Variants in SPECC1L observed in about 807,000 individuals in gnomAD.
The protein encoded by SPECC1L is sperm antigen with calponin homology and coiled-coil domains 1 like, also known as cytospin-A.
Under a neutral mutation model 116.8 loss-of-function variants are expected in SPECC1L, and 40 were observed. The ratio of observed to expected loss-of-function variants is 0.34; its 90% CI spans 0.27 to 0.45. The LOEUF (loss-of-function observed/expected upper bound fraction) is 0.45, where lower values mean the gene tolerates loss of function less well. SPECC1L is among the 20% of genes least tolerant of loss of function. The pLI is 1.00. For missense variants in SPECC1L, 1,110 were observed against 1,373.6 expected, an observed-to-expected ratio of 0.81 and a Z score of 3.03; for synonymous variants, 504 against 500.6, an observed-to-expected ratio of 1.01 and a Z score of -0.09.
At chr22:24,356,887 T>C (rs2041543620) in intron 11 of SPECC1L, among the ~76,000 whole-genome samples, 1 of 152,046 alleles carries the variant, frequency 6.6e-6, no homozygotes. Context: ...TCCACATAAC[T>C]GTTGTGGGGG....
chr22:24,399,800 C>T (rs1354911577), intron 14 of SPECC1L, among the ~76,000 whole-genome samples: 2 of 152,172 alleles, frequency 1.3e-5, no homozygotes, highest in African/African-American at 4.8e-5. Context: ...TATCAGGTTC[C>T]TTTTGCCATA....
At chr22:24,295,469 T>G (rs1191296657) in intron 2 of SPECC1L, among the ~76,000 whole-genome samples, 1 of 150,616 alleles carries the variant, frequency 6.6e-6, no homozygotes, top group Non-Finnish European at 1.5e-5. Context: ...GTGAGCATAG[T>G]TTTTCAACTC....
chr22:24,356,446 TC>T (rs1382562043), intron 11 of SPECC1L, among the ~76,000 whole-genome samples: 2 of 152,140 alleles, frequency 1.3e-5, no homozygotes, highest in African/African-American at 2.4e-5. Flanking sequence ...TCTGATAATG[TC>T]CCTTGTTCTG....
chr22:24,362,548 G>T (rs2041666877), intron 11 of SPECC1L, among the ~76,000 whole-genome samples: 1 of 152,188 alleles, frequency 6.6e-6, no homozygotes, highest in South Asian at 2.1e-4. Context: ...GCCAGGTAAT[G>T]AAGGTTTTCC....
chr22:24,408,300 T>C (rs1035873956), intron 14 of SPECC1L, among the ~76,000 whole-genome samples: 1 of 152,236 alleles, frequency 6.6e-6, no homozygotes. Context: ...AGGCACCTTC[T>C]TCATTAGGTC....
chr22:24,331,269 AAACT>A (rs1158720384), intron 8 of SPECC1L, among the ~76,000 whole-genome samples: 1 of 152,204 alleles, frequency 6.6e-6, no homozygotes, highest in East Asian at 1.9e-4. Flanking sequence ...GAAATTTAGA[AAACT>A]AACAGTATAT....
chr22:24,397,369 T>A (rs1021504546), intron 14 of SPECC1L, among the ~76,000 whole-genome samples: 2 of 152,252 alleles, frequency 1.3e-5, no homozygotes, highest in African/African-American at 4.8e-5. Flanking sequence ...TCCAGGCTGC[T>A]GTACTCAGAT....
chr22:24,414,647 A>G lies in SPECC1L; in HGVS notation c.*24A>G, dbSNP rs201232651. 5.3e-5 allele frequency: 85 copies of G among 1,605,694 alleles called. No individual in the cohort carries two copies. Among genetic ancestry groups the G allele is most frequent in the Non-Finnish European group, 6.9e-5 (81 of 1,173,188 alleles). ...GAGCATGCCGGGAGGAGCCGCCCCAATAGCGGGGGTACCCCTCCACAGCGA... is the reference window on the plus strand; with the variant it reads ...GAGCATGCCGGGAGGAGCCGCCCCAGTAGCGGGGGTACCCCTCCACAGCGA... On this transcript the variant is annotated 3_prime_UTR_variant, in exon 17 of 17. Transcript: ENST00000314328.
intron 2 of SPECC1L, among the ~76,000 whole-genome samples, chr22:24,299,695 A>G (rs999784552): frequency 3.3e-5 from 5 of 151,390 alleles, no homozygotes; most frequent in African/African-American, 4.9e-5. Context: ...TTTAGGAAAA[A>G]CTTATGGTTT....
At position 24,322,245 on chromosome 22, in the gene SPECC1L, C is replaced by T. The variant is rs535069429; in HGVS notation, c.1265C>T (p.Ala422Val). 6.2e-7 allele frequency: 1 copy of T among 1,614,194 alleles called. No homozygotes were observed. Among genetic ancestry groups the T allele is most frequent in the Admixed American group, 1.7e-5 (1 of 60,030 alleles). The change falls in exon 5 of 17, where the codon GCT becomes GTT. Residue 422 changes from alanine (A) to valine (V), a missense_variant. Physicochemically the swap from Ala to Val is moderately conservative, Grantham distance 64 (BLOSUM62 0). Transcript: ENST00000314328. Reference sequence around the variant, plus strand: ...CTCCAGGCAACCCTGCAAGAGCTAGCTGATTTACAGCAGATTACCCAGGAA... The same window carrying T: ...CTCCAGGCAACCCTGCAAGAGCTAGTTGATTTACAGCAGATTACCCAGGAA... ...EELQATLQEL[A>V]DLQQITQELN... is the part of the protein sequence containing the mutation.
At chr22:24,302,045 CAA>C (rs759458885) in intron 2 of SPECC1L, 148 bp from the exon 3 acceptor site, 796 of 459,462 alleles carry the variant, frequency 1.7e-3, no homozygotes, top group East Asian at 2.6e-3. Flanking sequence ...GACTCCGTCT[CAA>C]AAAAAAAAAA....
At chr22:24,354,302 T>C (rs1366909897) in intron 11 of SPECC1L, among the ~76,000 whole-genome samples, 1 of 152,222 alleles carries the variant, frequency 6.6e-6, no homozygotes, top group East Asian at 1.9e-4. Context: ...TTTCAGCATT[T>C]ATTTATGCAT....
intron 12 of SPECC1L, 60 bp from the exon 13 acceptor site, chr22:24,365,416 T>C: frequency 1.3e-6 from 2 of 1,535,014 alleles, no homozygotes; most frequent in South Asian, 2.3e-5. Flanking sequence ...AAAAAAAAAA[T>C]CTCAAGAACT....
intron 10 of SPECC1L, among the ~76,000 whole-genome samples, chr22:24,341,215 A>T (rs2041170750): frequency 6.6e-6 from 1 of 152,180 alleles, no homozygotes; most frequent in Non-Finnish European, 1.5e-5. Context: ...GGAGTATAGA[A>T]ATCTGCGTAG....
intron 14 of SPECC1L, among the ~76,000 whole-genome samples, chr22:24,398,530 G>C (rs1189576567): frequency 1.3e-5 from 2 of 152,156 alleles, no homozygotes; most frequent in Non-Finnish European, 2.9e-5. Flanking sequence ...ACTTATAATG[G>C]AGGAGGAGTC....
At chr22:24,276,572 A>G (rs1313768003) in intron 1 of SPECC1L, 128 bp from the exon 2 acceptor site, 2 of 297,542 alleles carry the variant, frequency 6.7e-6, no homozygotes, top group Non-Finnish European at 1.3e-5. Context: ...GTTTGAGTTC[A>G]GCTTGGGCAG....
At chr22:24,305,330 C>T (rs1467995710) in intron 3 of SPECC1L, among the ~76,000 whole-genome samples, 2 of 152,192 alleles carry the variant, frequency 1.3e-5, no homozygotes, top group Non-Finnish European at 2.9e-5. Context: ...TCTGCTTAAT[C>T]ATTGCCCTTC....
intron 6 of SPECC1L, among the ~76,000 whole-genome samples, chr22:24,328,537 T>C (rs2040874189): frequency 6.6e-6 from 1 of 152,192 alleles, no homozygotes; most frequent in Admixed American, 6.5e-5. Context: ...ACAGTCAATA[T>C]TGTTTTGATT....
intron 14 of SPECC1L, among the ~76,000 whole-genome samples, chr22:24,403,586 G>A (rs956712349): frequency 6.6e-6 from 1 of 152,178 alleles, no homozygotes; most frequent in African/African-American, 2.4e-5. Context: ...ATCAGGACAT[G>A]AGTGCAGAGT....
Sources: gnomAD v4.1 joint callset for allele counts (sites outside exome capture counted in the v4.1 genomes callset) on GRCh38, gnomAD v4.1.1 for gene constraint, MANE v1.5 for transcripts, NCBI Gene and HGNC (gene_info 2026-07-23, HGNC 2026-07-21) for gene names.